Variants in PRRC2C observed in about 807,000 individuals in gnomAD.
The protein encoded by PRRC2C is proline rich coiled-coil 2C.
Under a neutral mutation model 317.2 loss-of-function variants are expected in PRRC2C, and 72 were observed. That is an observed-to-expected ratio of 0.23 (90% CI 0.19 to 0.28). PRRC2C has a LOEUF of 0.28. Ranked by LOEUF, PRRC2C falls within the 10% of genes least tolerant of loss-of-function variation. The probability of loss-of-function intolerance (pLI) is 1.00; values close to 1 mark genes in which losing one functional copy is unlikely to be tolerated. For missense variants in PRRC2C, 3,074 were observed against 3,459.7 expected, an observed-to-expected ratio of 0.89 and a Z score of 2.80; for synonymous variants, 1,296 against 1,205.9, an observed-to-expected ratio of 1.07 and a Z score of -1.55.
chr1:171,557,182 A>G (rs1401311594), intron 18 of PRRC2C, 58 bp from the exon 19 acceptor site: 1 of 1,474,574 alleles, frequency 6.8e-7, no homozygotes, highest in Non-Finnish European at 9.0e-7. Context: ...AGTTGCATTT[A>G]TGAACTGTTG....
Position 171,542,168 on chromosome 1 carries a change from A to G in PRRC2C, c.4702A>G (p.Asn1568Asp). 1 of 1,604,498 alleles carries G rather than the reference A, an allele frequency of 6.2e-7. No individual in the cohort carries two copies. Among genetic ancestry groups the G allele is most frequent in the Non-Finnish European group, 8.5e-7 (1 of 1,176,314 alleles). ...GNNGPPKSGR[N>D]FSGPRNERRS... ...CAATGGTCCACCCAAATCAGGAAGGAATTTCTCAGGTCCTAGAAATGAAAG... is the reference window on the plus strand; with the variant it reads ...CAATGGTCCACCCAAATCAGGAAGGGATTTCTCAGGTCCTAGAAATGAAAG... The change falls in exon 16 of 35, where the codon AAT becomes GAT. Residue 1568 changes from asparagine (N) to aspartate (D), a missense_variant. Around this residue, in one of 11 missense-constraint regions of PRRC2C, gnomAD observed 178 missense variants for 163.0 expected, o/e 1.09. Transcript: ENST00000647382.
rs1682585173 is a variant in PRRC2C at position 171,561,050 on chromosome 1, G to T, written c.6064G>T (p.Val2022Phe). ...CATTAGTCCACCACAGCCACCTTCA[G>T]TCAGTGCATGGAATAAGCCCTTAAC... is the stretch of plus-strand genomic sequence containing the variant. ...GPISPPQPPSVSAWNKPLTSF... is the reference protein window; with the variant it reads ...GPISPPQPPSFSAWNKPLTSF... The change falls in exon 20 of 35, where the codon GTC (valine) becomes TTC (phenylalanine). Residue 2022 changes from valine (V) to phenylalanine (F), a missense_variant. Coordinates refer to ENST00000647382, the MANE Select transcript of PRRC2C (RefSeq NM_001387844.1). 3 of 1,608,424 alleles carry T rather than the reference G, an allele frequency of 1.9e-6. No individual in the cohort carries two copies. The East Asian group carries it at 6.7e-5, about 36-fold the overall frequency.
chr1:171,550,072 TC>T lies in PRRC2C; in HGVS notation c.4973-11del. The T allele has an allele frequency of 6.4e-7, 1 of 1,568,278 alleles. No individual in the cohort carries two copies. The highest frequency in any genetic ancestry group is 8.6e-7 in the Non-Finnish European group (1 of 1,159,806). On this transcript the variant is annotated splice_polypyrimidine_tract_variant and intron_variant, in intron 17 of 34. Coordinates refer to ENST00000647382, the MANE Select transcript of PRRC2C (RefSeq NM_001387844.1). ...AAAACAGAAAATATCTTAAATCCTT[TC>T]CCACACCCACAGGTGTTGTTATAAT...
At chr1:171,491,564 G>A (rs1342622507) in intron 1 of PRRC2C, among the ~76,000 whole-genome samples, 1 of 152,136 alleles carries the variant, frequency 6.6e-6, no homozygotes, top group Non-Finnish European at 1.5e-5. Context: ...GACATATTAA[G>A]GATACATTTA....
Position 171,574,999 on chromosome 1 carries a change from G to A in PRRC2C, c.6826G>A (p.Ala2276Thr). ...AAAGGGGTCTCCAGTAACTTCCACA[G>A]CACCTCCAATTGCAACTGGAGTCAG... ...REKGSPVTST[A>T]PPIATGVSSS... Residue 2276 changes from alanine (A) to threonine (T), a missense_variant, in exon 25 of 35, where the codon GCA becomes ACA. This residue lies in a region of PRRC2C where 490 missense variants were observed against 663.1 expected (regional missense o/e 0.74). Coordinates refer to ENST00000647382, the MANE Select transcript of PRRC2C (RefSeq NM_001387844.1). The A allele has an allele frequency of 1.2e-6, 2 of 1,613,862 alleles. No individual in the cohort carries two copies. Among genetic ancestry groups the A allele is most frequent in the South Asian group, 2.2e-5 (2 of 91,062 alleles).
At chr1:171,559,129 G>A (rs1343115133) in intron 19 of PRRC2C, among the ~76,000 whole-genome samples, 1 of 152,214 alleles carries the variant, frequency 6.6e-6, no homozygotes, top group Non-Finnish European at 1.5e-5. Context: ...TTTAAGGAAA[G>A]CAACCACCTC....
In PRRC2C at chr1:171,586,063, A is replaced by ATTTTTTTTTTTTTTTTT. The variant is rs920423722; in HGVS notation, c.7750-935_7750-919dup. Among the ~76,000 whole-genome samples the ATTTTTTTTTTTTTTTTT allele has an allele frequency of 4.8e-5, 4 of 83,030 alleles. 1 individual carries two copies. The highest frequency in any genetic ancestry group is 0.017 in the Middle Eastern group (1 of 58). The allele number at this position is 83,030 out of a possible 152,430, so 54.5% of individuals were successfully genotyped here. A position where few individuals can be genotyped will look rare whatever the true frequency, so the allele number is the denominator to read the frequency against. On this transcript the variant is annotated intron_variant, in intron 30 of 34. Transcript: ENST00000647382. ...ATCCGTCGCAGGAGGTCAGGTGTTG[A>ATTTTTTTTTTTTTTTTT]TTTTTTTTTTTTTTTTTTTTTGAGA...
chr1:171,584,374 AT>A, intron 29 of PRRC2C, 44 bp from the exon 30 acceptor site: 2 of 1,492,846 alleles, frequency 1.3e-6, no homozygotes, highest in Non-Finnish European at 1.8e-6. Context: ...TGAATTTGAA[AT>A]TTTTTTCAGT....
chr1:171,564,622 A>G (rs1683304430), intron 20 of PRRC2C, among the ~76,000 whole-genome samples: 1 of 152,226 alleles, frequency 6.6e-6, no homozygotes, highest in East Asian at 1.9e-4. Context: ...TGTGAACATC[A>G]TAGAGTCTAC....
At chr1:171,561,362 C>T (rs1682678498) in intron 20 of PRRC2C, among the ~76,000 whole-genome samples, 2 of 152,138 alleles carry the variant, frequency 1.3e-5, no homozygotes, top group African/African-American at 4.8e-5. Context: ...TGAGGTTGGA[C>T]TGTCACTTGA....
At chr1:171,521,683 A>C (rs1248395039) in intron 6 of PRRC2C, among the ~76,000 whole-genome samples, 5 of 152,124 alleles carry the variant, frequency 3.3e-5, no homozygotes, top group Non-Finnish European at 7.3e-5. Context: ...TTATCCACAA[A>C]TCTGCCTCTG....
intron 33 of PRRC2C, 26 bp from the exon 34 acceptor site, chr1:171,589,343 T>G: frequency 1.4e-5 from 13 of 899,624 alleles, no homozygotes; most frequent in Non-Finnish European, 1.9e-5. Context: ...CAGTTCAATG[T>G]TGTATGTTTT....
chr1:171,523,140 A>G (rs1416120677), intron 7 of PRRC2C, 81 bp from the exon 8 acceptor site: 1 of 1,301,182 alleles, frequency 7.7e-7, no homozygotes, highest in East Asian at 2.5e-5. Context: ...TGTTGAAATG[A>G]ACTAAATTCC....
rs994282593 is a variant in PRRC2C, at chr1:171,587,312, C to T, written c.7968+91C>T. On this transcript the variant is annotated intron_variant, in intron 31 of 34. Transcript: ENST00000647382. The stretch of plus-strand genomic sequence containing the variant: ...CTGTGTTATCTAAAAAACTAAAATG[C>T]GTCAGTTTTTACCACCCTGCAAAAA... 74 of 1,216,816 alleles carry T rather than the reference C, an allele frequency of 6.1e-5. 1 individual carries two copies. The highest frequency in any genetic ancestry group is 7.3e-5 in the Non-Finnish European group (65 of 894,244). The allele number at this position is 1,216,816 out of a possible 1,614,324, so 75.4% of individuals were successfully genotyped here. A position where few individuals can be genotyped will look rare whatever the true frequency, so the allele number is the denominator to read the frequency against.
chr1:171,510,658 G>A (rs1671197214), intron 1 of PRRC2C: 1 of 152,150 alleles, frequency 6.6e-6, no homozygotes, highest in African/African-American at 2.4e-5. Flanking sequence ...TTGTATTAGT[G>A]TAGTCCTATT....
intron 13 of PRRC2C, among the ~76,000 whole-genome samples, 182 bp from the exon 14 acceptor site, chr1:171,535,847 G>A (rs1394298155): frequency 6.6e-6 from 1 of 152,106 alleles, no homozygotes; most frequent in Admixed American, 6.6e-5. Flanking sequence ...TTGAGTATAA[G>A]GTAAAATGTT....
chr1:171,575,195 T>C (rs962067153), intron 25 of PRRC2C, 67 bp downstream of exon 25: 4 of 1,385,764 alleles, frequency 2.9e-6, no homozygotes, highest in African/African-American at 2.9e-5. Context: ...GATCTCTTCT[T>C]GTTTACTATC....
chr1:171,586,063 A>ATTTTTTTTTTTTTT lies in PRRC2C; in HGVS notation c.7750-932_7750-919dup, dbSNP rs920423722. Among the ~76,000 whole-genome samples, 22 of 83,030 alleles carry ATTTTTTTTTTTTTT rather than the reference A, an allele frequency of 2.6e-4. 4 individuals are homozygous for ATTTTTTTTTTTTTT. Among genetic ancestry groups the ATTTTTTTTTTTTTT allele is most frequent in the East Asian group, 8.8e-4 (2 of 2,278 alleles). The allele number at this position is 83,030 out of a possible 152,430, so 54.5% of individuals were successfully genotyped here. On this transcript the variant is annotated intron_variant, in intron 30 of 34. Coordinates refer to ENST00000647382, the MANE Select transcript of PRRC2C (RefSeq NM_001387844.1). ...ATCCGTCGCAGGAGGTCAGGTGTTG[A>ATTTTTTTTTTTTTT]TTTTTTTTTTTTTTTTTTTTTGAGA...
chr1:171,542,625 A>G (rs1434795166), intron 16 of PRRC2C, among the ~76,000 whole-genome samples: 1 of 152,222 alleles, frequency 6.6e-6, no homozygotes, highest in Non-Finnish European at 1.5e-5. Context: ...TGTTATAACC[A>G]TATACTTTGT....
Sources: gnomAD v4.1 joint callset for allele counts (sites outside exome capture counted in the v4.1 genomes callset) on GRCh38, gnomAD v4.1.1 for gene constraint, gnomAD v4.1.1 regional missense constraint, MANE v1.5 for transcripts, NCBI Gene and HGNC (gene_info 2026-07-23, HGNC 2026-07-21) for gene names.